SLC35F4: variants seen among roughly 807,000 people sequenced by gnomAD.
SLC35F4 encodes the protein chromosome 14 open reading frame 36.
SLC35F4 carries 24 observed loss-of-function variants against 44.2 expected under a neutral mutation model. The ratio of observed to expected loss-of-function variants is 0.54; its 90% CI spans 0.39 to 0.76. The LOEUF (loss-of-function observed/expected upper bound fraction) is 0.76. SLC35F4 is among the 30% of genes least tolerant of loss of function. The pLI, the probability that SLC35F4 is intolerant of heterozygous loss-of-function variation, is 0.00. For missense variants in SLC35F4, 562 were observed against 586.1 expected, an observed-to-expected ratio of 0.96 and a Z score of 0.42; for synonymous variants, 238 against 223.6, an observed-to-expected ratio of 1.06 and a Z score of -0.57.
chr14:57,969,217 A>G (rs1005340386), intron 1 of SLC35F4, among the ~76,000 whole-genome samples: 4 of 152,342 alleles, frequency 2.6e-5, no homozygotes, highest in South Asian at 4.1e-4. Context: ...TTAATCAAAG[A>G]AAGGCTTTAA....
chr14:57,670,427 G>A (rs906540676), intron 1 of SLC35F4, among the ~76,000 whole-genome samples: 1 of 151,946 alleles, frequency 6.6e-6, no homozygotes, highest in Non-Finnish European at 1.5e-5. Flanking sequence ...TGATGTTAGG[G>A]TGTTAATTTT....
chr14:57,644,080 G>A (rs563295472), intron 1 of SLC35F4, among the ~76,000 whole-genome samples: 6 of 152,044 alleles, frequency 3.9e-5, no homozygotes, highest in Non-Finnish European at 5.9e-5. Flanking sequence ...ATAAACATAC[G>A]TGTGCATGTG....
intron 1 of SLC35F4, among the ~76,000 whole-genome samples, chr14:57,882,019 C>A (rs994602169): frequency 2.0e-5 from 3 of 152,128 alleles, no homozygotes; most frequent in African/African-American, 7.2e-5. Flanking sequence ...CTCCAGGTGA[C>A]CACGGCCTCC....
intron 1 of SLC35F4, among the ~76,000 whole-genome samples, chr14:57,848,668 G>A (rs922716836): frequency 3.3e-5 from 5 of 152,158 alleles, no homozygotes; most frequent in African/African-American, 1.2e-4. Context: ...ATTGCTTCAA[G>A]AGCCTGGATA....
intron 4 of SLC35F4, among the ~76,000 whole-genome samples, chr14:57,580,782 T>G (rs2139807065): frequency 6.6e-6 from 1 of 152,218 alleles, no homozygotes; most frequent in South Asian, 2.1e-4. Context: ...TAATCTTATC[T>G]ACTTACACCA....
chr14:57,865,801 C>G lies in SLC35F4; in HGVS notation c.25G>C (p.Gly9Arg), dbSNP rs1595253885. 2 of 1,519,628 alleles carry G rather than the reference C, an allele frequency of 1.3e-6. No homozygotes were observed. Among genetic ancestry groups the G allele is most frequent in the East Asian group, 2.5e-5 (1 of 39,618 alleles). 94.1% of individuals were successfully genotyped at this position (1,519,628 alleles called of 1,614,324 possible). A position where few individuals can be genotyped will look rare whatever the true frequency, so the allele number is the denominator to read the frequency against. ...ATCCGGTCCTCGATAGTGGCCACCC[C>G]GTTGGGGGCCGCCTTGACATCCATA... MDVKAAPN[G>R]VATIEDRILR... Residue 9 changes from glycine to arginine, a missense_variant, in exon 1 of 8, where the codon GGG (glycine) becomes CGG (arginine). Gly to Arg is a moderately radical substitution (Grantham distance 125, BLOSUM62 -2). Coordinates refer to ENST00000556826, the MANE Select transcript of SLC35F4 (RefSeq NM_001306087.2).
chr14:57,604,418 AAGG>A (rs1276611791), intron 1 of SLC35F4, among the ~76,000 whole-genome samples: 5 of 152,192 alleles, frequency 3.3e-5, no homozygotes, highest in Admixed American at 2.6e-4. Context: ...AGATCTCTAC[AAGG>A]AGAATTATAA....
intron 1 of SLC35F4, among the ~76,000 whole-genome samples, chr14:57,949,753 GA>G (rs953226814): frequency 1.3e-5 from 2 of 151,954 alleles, no homozygotes; most frequent in Non-Finnish European, 2.9e-5. Context: ...TTGTTTGTCT[GA>G]AAAAAACTTT....
At chr14:57,856,469 A>C (rs1027427876) in intron 1 of SLC35F4, among the ~76,000 whole-genome samples, 1 of 152,066 alleles carries the variant, frequency 6.6e-6, no homozygotes, top group Non-Finnish European at 1.5e-5. Flanking sequence ...TTAATGTTAA[A>C]TCCAAGTATT....
intron 1 of SLC35F4, among the ~76,000 whole-genome samples, chr14:57,919,364 T>C (rs2141056692): frequency 6.6e-6 from 1 of 152,316 alleles, no homozygotes; most frequent in African/African-American, 2.4e-5. Flanking sequence ...CATTTGGAAG[T>C]TTTCTAACTT....
chr14:57,948,497 T>G lies in SLC35F4; in HGVS notation n.282+33416A>C, dbSNP rs143554933. Among the ~76,000 whole-genome samples, 474 of 152,266 alleles carry G rather than the reference T, an allele frequency of 3.1e-3. 4 individuals carry two copies. Among genetic ancestry groups the G allele is most frequent in the Non-Finnish European group, 3.7e-3 (252 of 68,004 alleles). ...CCAAATAACCAGATTTTTGTTTTAT[T>G]TATCTTTTGTATTGTATTTTTTGTT... is the stretch of plus-strand genomic sequence containing the variant. On this transcript the variant is annotated intron_variant and non_coding_transcript_variant, in intron 1 of 1. Transcript: ENST00000556568.
rs534507760 is a variant in SLC35F4 at position 57,638,869 on chromosome 14, C to T, written c.104-44745G>A. ...CAGAGGTCCCCTATCAAGAGGTCCT[C>T]TTGAGAGAATGCAAGCCTAGAGTTA... On this transcript the variant is annotated intron_variant, in intron 1 of 7. Coordinates refer to ENST00000556826, the MANE Select transcript of SLC35F4 (RefSeq NM_001306087.2). Among the ~76,000 whole-genome samples, 5 of 152,192 alleles carry T rather than the reference C, an allele frequency of 3.3e-5. No individual in the cohort carries two copies. The South Asian group carries it at 1.0e-3, about 32-fold the overall frequency.
chr14:57,945,785 T>C (rs1318432090), intron 1 of SLC35F4, among the ~76,000 whole-genome samples: 1 of 152,146 alleles, frequency 6.6e-6, no homozygotes, highest in Non-Finnish European at 1.5e-5. Flanking sequence ...CCAACATCTA[T>C]TATTTTTTTA....
intron 1 of SLC35F4, among the ~76,000 whole-genome samples, chr14:57,820,530 A>G (rs1883064239): frequency 6.6e-6 from 1 of 152,332 alleles, no homozygotes; most frequent in African/African-American, 2.4e-5. Context: ...AAAGCTATAT[A>G]TGTCTCAGTA....
chr14:57,898,132 T>G (rs117583654), intron 1 of SLC35F4, among the ~76,000 whole-genome samples: 3,191 of 152,332 alleles, frequency 0.021, 59 homozygotes, highest in Middle Eastern at 0.041. Flanking sequence ...TAACAACTTG[T>G]ATTTATATAG....
chr14:57,873,604 AT>A (rs1888337729), intron 1 of SLC35F4, among the ~76,000 whole-genome samples: 1 of 152,194 alleles, frequency 6.6e-6, no homozygotes, highest in East Asian at 1.9e-4. Flanking sequence ...ACAATTACAT[AT>A]TTTTTAATGC....
chr14:57,974,605 G>T (rs533855772), downstream of SLC35F4, among the ~76,000 whole-genome samples: 3 of 152,306 alleles, frequency 2.0e-5, no homozygotes, highest in South Asian at 6.2e-4. Flanking sequence ...GTACTCAGGG[G>T]ACAGAGCTTC....
At chr14:57,977,690 T>C (rs1881259140) in intron 1 of SLC35F4, among the ~76,000 whole-genome samples, 1 of 152,198 alleles carries the variant, frequency 6.6e-6, no homozygotes. Flanking sequence ...TTTGTTTTAC[T>C]GACATTTTTC....
chr14:57,724,559 T>G (rs2140448278), intron 1 of SLC35F4, among the ~76,000 whole-genome samples: 1 of 152,208 alleles, frequency 6.6e-6, no homozygotes, highest in African/African-American at 2.4e-5. Context: ...GGTATATACG[T>G]GATTGGGCTC....
Sources: gnomAD v4.1 joint callset for allele counts (sites outside exome capture counted in the v4.1 genomes callset) on GRCh38, gnomAD v4.1.1 for gene constraint, MANE v1.5 for transcripts, NCBI Gene and HGNC (gene_info 2026-07-23, HGNC 2026-07-21) for gene names.